POLR1C: variants seen among roughly 807,000 people sequenced by gnomAD.
POLR1C encodes the protein DNA-directed RNA polymerases I and III subunit RPAC1.
Under a neutral mutation model 38.3 loss-of-function variants are expected in POLR1C, and 42 were observed. The ratio of observed to expected loss-of-function variants is 1.10; its 90% CI spans 0.86 to 1.42. The LOEUF (loss-of-function observed/expected upper bound fraction) is 1.42, where lower values mean the gene tolerates loss of function less well. Among genes scored for constraint, POLR1C ranks in the 40% most tolerant of loss-of-function variants. POLR1C has a pLI of 0.00. For missense variants in POLR1C, 507 were observed against 450.5 expected (o/e 1.13, Z -1.14); for synonymous variants, 163 against 163.9 (o/e 0.99, Z 0.04).
chr6:43,521,343 T>A lies in POLR1C; in HGVS notation c.*43T>A. 6.2e-7 allele frequency: 1 copy of A among 1,611,472 alleles called. No individual in the cohort carries two copies. The highest frequency in any genetic ancestry group is 8.5e-7 in the Non-Finnish European group (1 of 1,179,762). ...GCAAGCTGAAGCTTTGGGTTCTGAC[T>A]GACCCACCCTACAGGACTGCTGAAC... On this transcript the variant is annotated 3_prime_UTR_variant, in exon 9 of 9. Transcript: ENST00000642195.
At chr6:43,560,088 G>C in intron 10 of POLR1C, 1 of 1,465,262 alleles carries the variant, frequency 6.8e-7, no homozygotes, top group South Asian at 1.3e-5. Context: ...CATAGAGCTG[G>C]GATTATAGGC....
chr6:43,555,624 G>T (rs1762039236), intron 10 of POLR1C: 1 of 432,100 alleles, frequency 2.3e-6, no homozygotes, highest in Non-Finnish European at 3.9e-6. Flanking sequence ...ATAAGGACAT[G>T]GTTTTACCCT....
intron 9 of POLR1C, among the ~76,000 whole-genome samples, chr6:43,549,100 G>A (rs556708453): frequency 1.3e-5 from 2 of 152,058 alleles, no homozygotes; most frequent in African/African-American, 4.8e-5. Context: ...AGTTTCGCTC[G>A]TTGCCCAGGC....
At chr6:43,544,248 G>A (rs1582218292) in intron 9 of POLR1C, 1 of 166,100 alleles carries the variant, frequency 6.0e-6, no homozygotes, top group East Asian at 1.5e-4. Context: ...ATAAATTCAA[G>A]ACCTACTTAT....
downstream of POLR1C, chr6:43,533,868 T>TA (rs777692733): frequency 2.7e-6 from 4 of 1,479,006 alleles, no homozygotes; most frequent in African/African-American, 5.6e-5. Flanking sequence ...CCATTAGGGA[T>TA]AAGATAAACC....
intron 9 of POLR1C, among the ~76,000 whole-genome samples, chr6:43,544,690 C>T (rs1415310794): frequency 6.6e-6 from 1 of 152,108 alleles, no homozygotes; most frequent in African/African-American, 2.4e-5. Flanking sequence ...CTTTGGGAGA[C>T]TGAAGCAGGC....
At chr6:43,525,798 C>G, downstream of POLR1C, 1 of 1,601,736 alleles carries the variant, frequency 6.2e-7, no homozygotes, top group Non-Finnish European at 8.5e-7. Flanking sequence ...GACTCCCCAC[C>G]TGGGCAAGGA....
At chr6:43,555,029 C>A (rs1253478689) in intron 10 of POLR1C, 1 of 151,048 alleles carries the variant, frequency 6.6e-6, no homozygotes, top group Non-Finnish European at 1.5e-5. Flanking sequence ...GCAACCTACA[C>A]CTCCTGGGTT....
Position 43,519,429 on chromosome 6 carries a change from C to A in POLR1C, c.238C>A (p.Leu80Met). Residue 80 changes from leucine (L) to methionine (M), a missense_variant, in exon 3 of 9, where the codon CTG (leucine) becomes ATG (methionine). Transcript: ENST00000642195. The part of the protein sequence containing the change: ...AAIANAFRRI[L>M]LAEVPTMAVE... ...CATTGCCAATGCTTTTCGACGAATT[C>A]TGCTAGCTGAGGTATTGGCAGGCAT... 6.2e-7 allele frequency: 1 copy of A among 1,611,458 alleles called. No individual in the cohort carries two copies. Among genetic ancestry groups the A allele is most frequent in the Non-Finnish European group, 8.5e-7 (1 of 1,177,538 alleles).
intron 10 of POLR1C, chr6:43,553,834 A>G: frequency 5.4e-6 from 1 of 185,832 alleles, no homozygotes; most frequent in Middle Eastern, 2.2e-3. Flanking sequence ...TGCCTGGCCC[A>G]TTAGTAGGCA....
chr6:43,519,721 G>A lies in POLR1C; in HGVS notation c.265G>A (p.Val89Met). 1 of 1,614,190 alleles carries A rather than the reference G, an allele frequency of 6.2e-7. No homozygotes were observed. Among genetic ancestry groups the A allele is most frequent in the East Asian group, 2.2e-5 (1 of 44,884 alleles). ...ILLAEVPTMA[V>M]EKVLVYNNTS... is the part of the protein sequence containing the mutation. ...CCTTGGGCAGGTGCCAACTATGGCT[G>A]TGGAGAAGGTCCTGGTGTACAATAA... Residue 89 changes from valine to methionine, a missense_variant, in exon 4 of 9, where the codon GTG (valine) becomes ATG (methionine). Transcript: ENST00000642195.
intron 10 of POLR1C, chr6:43,558,812 A>T: frequency 2.3e-6 from 1 of 435,608 alleles, no homozygotes; most frequent in Non-Finnish European, 4.1e-6. Context: ...AGTTGATACC[A>T]TCCTCCAAGT....
At chr6:43,524,879 C>A (rs367791985), downstream of POLR1C, 1 of 1,613,878 alleles carries the variant, frequency 6.2e-7, no homozygotes, top group African/African-American at 1.3e-5. Context: ...AAGCCATGCA[C>A]CCGTCGTGCT....
rs140275099 is a variant in POLR1C at position 43,518,747 on chromosome 6, G to A, written c.142-586G>A. Among the ~76,000 whole-genome samples, 23 of 152,274 alleles carry A rather than the reference G, an allele frequency of 1.5e-4. No homozygotes were observed. The East Asian group carries it at 3.9e-3, about 26-fold the overall frequency. The stretch of plus-strand genomic sequence containing the variant: ...GTCCCAGGCTGGAGTGCAGTGGCGC[G>A]ATCTTGGCTCACTGCAACCTCCGCC... On this transcript the variant is annotated intron_variant, in intron 2 of 8. Coordinates refer to ENST00000642195, the MANE Select transcript of POLR1C (RefSeq NM_203290.4).
At chr6:43,519,501 T>TAATTCTCCAAGTGA in intron 3 of POLR1C, 61 bp downstream of exon 3, 1 of 1,381,938 alleles carries the variant, frequency 7.2e-7, no homozygotes, top group Non-Finnish European at 1.0e-6. Context: ...ACACCTCACT[T>TAATTCTCCAAGTGA]GGAGAATTAA....
downstream of POLR1C, chr6:43,533,779 G>T: frequency 1.8e-6 from 1 of 551,158 alleles, no homozygotes; most frequent in Middle Eastern, 5.8e-4. Flanking sequence ...AGCCTACAGT[G>T]AGCTATGGTT....
chr6:43,524,437 G>T (rs377465895), downstream of POLR1C: 33 of 1,603,660 alleles, frequency 2.1e-5, no homozygotes, highest in African/African-American at 4.4e-4. Flanking sequence ...TTTAAGAAGG[G>T]GGTTGGGAGC....
At chr6:43,546,498 T>C in intron 9 of POLR1C, 1 of 1,459,902 alleles carries the variant, frequency 6.8e-7, no homozygotes, top group African/African-American at 1.4e-5. Context: ...TGAAGACATG[T>C]AAACAGACTA....
Position 43,520,638 on chromosome 6 carries a change from C to A in POLR1C, c.669C>A (p.Ala223=). Reference sequence around the variant, plus strand: ...CTTCCTCTCCAGGCAAAGATCATGCCAAGTTTTCACCAGTGGCAACAGCCA... The same window carrying A: ...CTTCCTCTCCAGGCAAAGATCATGCAAAGTTTTCACCAGTGGCAACAGCCA... ...HCVKGIGKDH[A]KFSPVATASY... is the part of the protein sequence containing the mutation. The change falls in exon 7 of 9, where the codon GCC becomes GCA. Residue 223 remains alanine (A), a synonymous_variant. Coordinates refer to ENST00000642195, the MANE Select transcript of POLR1C (RefSeq NM_203290.4). The A allele has an allele frequency of 6.2e-7, 1 of 1,614,000 alleles. No individual in the cohort carries two copies. Among genetic ancestry groups the A allele is most frequent in the East Asian group, 2.2e-5 (1 of 44,886 alleles).
Sources: allele counts gnomAD v4.1 joint callset (sites outside exome capture counted in the v4.1 genomes callset), GRCh38; gene constraint gnomAD v4.1.1; transcripts MANE v1.5; gene names NCBI Gene and HGNC (gene_info 2026-07-23, HGNC 2026-07-21).